Variants in CTNNA2 observed in about 807,000 individuals in gnomAD.
CTNNA2 encodes catenin alpha-2.
In CTNNA2, 42 loss-of-function variants were observed where a neutral mutation model predicts 101.0. The observed-to-expected ratio is 0.42, with a 90% CI of 0.32 to 0.54. The LOEUF is 0.54. CTNNA2 is among the 20% of genes least tolerant of loss of function. The pLI is 0.14. For synonymous variants in CTNNA2, 450 were observed against 456.4 expected (o/e 0.99, Z 0.18); for missense variants, 871 against 1,223.1 (o/e 0.71, Z 4.29).
chr2:80,528,277 C>G (rs1445167632), intron 9 of CTNNA2, among the ~76,000 whole-genome samples: 1 of 152,094 alleles, frequency 6.6e-6, no homozygotes, highest in Non-Finnish European at 1.5e-5. Context: ...CTCACTGCAA[C>G]CTCTGCCTCC....
chr2:80,369,524 T>A (rs1477475958), intron 7 of CTNNA2, among the ~76,000 whole-genome samples: 1 of 152,056 alleles, frequency 6.6e-6, no homozygotes, highest in East Asian at 1.9e-4. Flanking sequence ...TCAAAGGATA[T>A]CCACGTACTA....
intron 7 of CTNNA2, among the ~76,000 whole-genome samples, chr2:80,378,132 G>A (rs940627406): frequency 4.6e-5 from 7 of 152,098 alleles, no homozygotes; most frequent in African/African-American, 1.2e-4. Context: ...CGAGGTGGGC[G>A]AATCACGAGG....
intron 2 of CTNNA2, among the ~76,000 whole-genome samples, chr2:79,249,235 A>G (rs185664110): frequency 1.1e-4 from 16 of 152,286 alleles, no homozygotes; most frequent in Admixed American, 9.8e-4. Context: ...AGCTATCATC[A>G]TATTTTTTCA....
intron 4 of CTNNA2, among the ~76,000 whole-genome samples, chr2:79,499,991 T>C (rs1165861600): frequency 8.5e-5 from 13 of 152,206 alleles, no homozygotes; most frequent in Non-Finnish European, 1.9e-4. Context: ...ATTTCCCTTT[T>C]TGTTCTATTC....
intron 18 of CTNNA2, among the ~76,000 whole-genome samples, chr2:80,643,104 TAATA>T (rs1673671988): frequency 6.6e-6 from 1 of 152,170 alleles, no homozygotes; most frequent in Non-Finnish European, 1.5e-5. Flanking sequence ...AAGAGAATCA[TAATA>T]ATTAGCAGAA....
At chr2:80,400,291 C>A (rs971611096) in intron 8 of CTNNA2, among the ~76,000 whole-genome samples, 1 of 152,116 alleles carries the variant, frequency 6.6e-6, no homozygotes, top group African/African-American at 2.4e-5. Context: ...TTTATCTCCC[C>A]ATTTCCTGAG....
intron 7 of CTNNA2, among the ~76,000 whole-genome samples, chr2:80,056,592 A>G (rs963097055): frequency 1.3e-5 from 2 of 152,226 alleles, no homozygotes; most frequent in Non-Finnish European, 2.9e-5. Context: ...ACCATAAACC[A>G]TATATACTGT....
intron 7 of CTNNA2, among the ~76,000 whole-genome samples, chr2:80,201,451 G>A (rs1441420683): frequency 1.5e-5 from 2 of 134,942 alleles, no homozygotes; most frequent in Admixed American, 1.8e-4. Flanking sequence ...TCGGCTCACT[G>A]CAAGCTCCGC....
intron 7 of CTNNA2, among the ~76,000 whole-genome samples, chr2:80,211,507 G>A (rs950580297): frequency 2.6e-5 from 4 of 152,182 alleles, no homozygotes; most frequent in African/African-American, 9.7e-5. Flanking sequence ...TGTCAGGTTT[G>A]TCAAAGATCA....
intron 3 of CTNNA2, among the ~76,000 whole-genome samples, chr2:79,775,622 A>T (rs1673905444): frequency 6.6e-6 from 1 of 152,198 alleles, no homozygotes; most frequent in Non-Finnish European, 1.5e-5. Context: ...TTAAAAACAA[A>T]AACAAAACTG....
chr2:79,685,323 C>T (rs1028162036), intron 2 of CTNNA2, among the ~76,000 whole-genome samples: 1 of 152,090 alleles, frequency 6.6e-6, no homozygotes. Flanking sequence ...GTAATAGATA[C>T]ATATAAGTAT....
chr2:80,050,170 G>A (rs1460505558), intron 7 of CTNNA2, among the ~76,000 whole-genome samples: 1 of 152,146 alleles, frequency 6.6e-6, no homozygotes, highest in Non-Finnish European at 1.5e-5. Flanking sequence ...ACCACACAGG[G>A]TGTATGGTGA....
intron 3 of CTNNA2, among the ~76,000 whole-genome samples, chr2:79,339,274 A>G (rs1677076022): frequency 6.6e-6 from 1 of 152,204 alleles, no homozygotes; most frequent in South Asian, 2.1e-4. Flanking sequence ...AGAGAAGAGC[A>G]TTTCAAGGGG....
chr2:79,945,340 C>T (rs1471916400), intron 7 of CTNNA2, among the ~76,000 whole-genome samples: 1 of 151,992 alleles, frequency 6.6e-6, no homozygotes, highest in African/African-American at 2.4e-5. Context: ...TGTGCTTTGC[C>T]GTTATTTGTT....
intron 7 of CTNNA2, among the ~76,000 whole-genome samples, chr2:80,320,623 A>C (rs1678587006): frequency 6.6e-6 from 1 of 151,392 alleles, no homozygotes; most frequent in African/African-American, 2.4e-5. Flanking sequence ...AATTTACTTG[A>C]TTAGACTTAG....
At chr2:79,715,874 A>G (rs1362095729) in intron 2 of CTNNA2, among the ~76,000 whole-genome samples, 3 of 152,206 alleles carry the variant, frequency 2.0e-5, no homozygotes, top group Admixed American at 2.0e-4. Context: ...AGATCCTGAG[A>G]TAGAGACCAG....
intron 7 of CTNNA2, among the ~76,000 whole-genome samples, chr2:80,076,971 A>G (rs1698798416): frequency 6.6e-6 from 1 of 152,076 alleles, no homozygotes; most frequent in African/African-American, 2.4e-5. Flanking sequence ...GTGTGAACCC[A>G]GGAGGTGAAG....
At chr2:79,381,906 T>C (rs1394481317) in intron 4 of CTNNA2, among the ~76,000 whole-genome samples, 1 of 152,242 alleles carries the variant, frequency 6.6e-6, no homozygotes, top group South Asian at 2.1e-4. Flanking sequence ...TGCCTTCAGA[T>C]AGCTAAATGA....
intron 9 of CTNNA2, among the ~76,000 whole-genome samples, chr2:80,460,419 CTG>C (rs1684329311): frequency 6.6e-6 from 1 of 152,186 alleles, no homozygotes; most frequent in Admixed American, 6.5e-5. Flanking sequence ...GAAAAAGAAA[CTG>C]TAACACTCAA....
Sources: allele counts gnomAD v4.1 joint callset (sites outside exome capture counted in the v4.1 genomes callset), GRCh38; gene constraint gnomAD v4.1.1; transcripts MANE v1.5; gene names NCBI Gene and HGNC (gene_info 2026-07-23, HGNC 2026-07-21).